PDE3B: variants seen among roughly 807,000 people sequenced by gnomAD.
The protein encoded by PDE3B is cGMP-inhibited 3',5'-cyclic phosphodiesterase 3B.
A neutral mutation model predicts 116.8 loss-of-function variants in PDE3B; 66 were observed. The observed-to-expected ratio is 0.56, with a 90% CI of 0.46 to 0.69. PDE3B has a LOEUF of 0.69. Among genes scored for constraint, PDE3B ranks in the 30% least tolerant of loss-of-function variants. The probability of loss-of-function intolerance (pLI) is 0.00; values close to 1 mark genes in which losing one functional copy is unlikely to be tolerated. For synonymous variants in PDE3B, 595 were observed against 533.6 expected, an observed-to-expected ratio of 1.12 and a Z score of -1.59; for missense variants, 1,384 against 1,368.1, an observed-to-expected ratio of 1.01 and a Z score of -0.18.
chr11:14,693,545 T>C (rs1855112338), intron 1 of PDE3B, among the ~76,000 whole-genome samples: 1 of 152,134 alleles, frequency 6.6e-6, no homozygotes, highest in East Asian at 1.9e-4. Context: ...TTATGGTAAA[T>C]CTACTCTACT....
chr11:14,853,515 A>T (rs1847795075), intron 12 of PDE3B, among the ~76,000 whole-genome samples: 1 of 152,222 alleles, frequency 6.6e-6, no homozygotes, highest in Non-Finnish European at 1.5e-5. Context: ...CCTGTGAGAT[A>T]AGGACCCTTG....
chr11:14,688,547 A>G (rs1470886964), intron 1 of PDE3B, among the ~76,000 whole-genome samples: 1 of 152,110 alleles, frequency 6.6e-6, no homozygotes, highest in African/African-American at 2.4e-5. Context: ...TCTATGTGTA[A>G]ACTTTAAGAT....
At chr11:14,855,042 A>G (rs1454289241) in intron 12 of PDE3B, among the ~76,000 whole-genome samples, 1 of 152,210 alleles carries the variant, frequency 6.6e-6, no homozygotes, top group African/African-American at 2.4e-5. Context: ...TCAGAAAACA[A>G]GTTAGGCTCT....
At chr11:14,759,843 G>A (rs912052977) in intron 1 of PDE3B, among the ~76,000 whole-genome samples, 10 of 152,126 alleles carry the variant, frequency 6.6e-5, no homozygotes, top group Admixed American at 5.2e-4. Context: ...CACCGTGCCC[G>A]GCTACAGATA....
intron 12 of PDE3B, among the ~76,000 whole-genome samples, chr11:14,848,089 A>G (rs1346328181): frequency 3.4e-5 from 5 of 147,976 alleles, no homozygotes; most frequent in Non-Finnish European, 7.5e-5. Flanking sequence ...AAAATCCTCA[A>G]TAAAATACTG....
chr11:14,803,516 A>C (rs184002145), intron 4 of PDE3B, among the ~76,000 whole-genome samples: 1 of 152,380 alleles, frequency 6.6e-6, no homozygotes, highest in East Asian at 1.9e-4. Context: ...TTAGTGAATC[A>C]GAAACCTTGG....
intron 4 of PDE3B, among the ~76,000 whole-genome samples, chr11:14,800,434 C>T (rs924900679): frequency 2.0e-5 from 3 of 152,120 alleles, no homozygotes; most frequent in Admixed American, 1.3e-4. Flanking sequence ...CACTGCATTC[C>T]AGCCTGGGTG....
Position 14,645,773 on chromosome 11 carries a change from G to GTT in PDE3B, c.978+729_978+730dup, listed in dbSNP as rs538476712. ...TTTCACCATAGGTTTACATATTTTTGTTTTTTTTTTAAAAGGGATTGAAAT... is the reference window on the plus strand; with the variant it reads ...TTTCACCATAGGTTTACATATTTTTGTTTTTTTTTTTTAAAAGGGATTGAAAT... On this transcript the variant is annotated intron_variant, in intron 1 of 15. Transcript: ENST00000282096. Among the ~76,000 whole-genome samples the GTT allele has an allele frequency of 2.1e-5, 3 of 145,568 alleles. No individual in the cohort carries two copies. In the East Asian group the frequency reaches 6.0e-4, roughly 29 times the overall value.
At chr11:14,864,683 T>G (rs1405919382) in intron 14 of PDE3B, among the ~76,000 whole-genome samples, 1 of 152,054 alleles carries the variant, frequency 6.6e-6, no homozygotes, top group East Asian at 1.9e-4. Flanking sequence ...ACTGAACAAC[T>G]TGCTCCTGAA....
At chr11:14,674,278 G>A (rs1290230183) in intron 1 of PDE3B, 9 of 1,118,170 alleles carry the variant, frequency 8.0e-6, no homozygotes, top group South Asian at 1.2e-5. Context: ...CTTTCCTGGG[G>A]CAGCCCCTAT....
intron 1 of PDE3B, among the ~76,000 whole-genome samples, chr11:14,751,950 A>G (rs923107783): frequency 6.6e-6 from 1 of 152,166 alleles, no homozygotes; most frequent in Non-Finnish European, 1.5e-5. Flanking sequence ...GAAAGTGGAA[A>G]GATGGTGAAT....
chr11:14,787,574 T>G (rs1858249490), intron 3 of PDE3B, among the ~76,000 whole-genome samples: 1 of 151,972 alleles, frequency 6.6e-6, no homozygotes. Context: ...TGTTGAAAAG[T>G]TAAGCAAACC....
At chr11:14,844,736 A>G (rs532200002) in intron 12 of PDE3B, among the ~76,000 whole-genome samples, 2 of 152,364 alleles carry the variant, frequency 1.3e-5, no homozygotes, top group South Asian at 4.1e-4. Flanking sequence ...GCTGATTGCT[A>G]GCACAGCAGT....
intron 12 of PDE3B, among the ~76,000 whole-genome samples, chr11:14,856,241 G>GT (rs1847848587): frequency 6.6e-6 from 1 of 152,182 alleles, no homozygotes; most frequent in Non-Finnish European, 1.5e-5. Context: ...CACTGTGACT[G>GT]TAAGTTTCCT....
At chr11:14,785,103 G>C (rs11023337) in intron 2 of PDE3B, among the ~76,000 whole-genome samples, 1 of 152,050 alleles carries the variant, frequency 6.6e-6, no homozygotes, top group African/African-American at 2.4e-5. Flanking sequence ...TGGAAAAATA[G>C]GTGCTGTTAT....
At chr11:14,885,786 TG>T in the PDE3B span, 1 of 1,612,634 alleles carries the variant, frequency 6.2e-7, no homozygotes. Flanking sequence ...CTCCCATTTT[TG>T]TCATCTTCAT....
chr11:14,824,489 G>A (rs1859625213), intron 7 of PDE3B, among the ~76,000 whole-genome samples: 1 of 152,136 alleles, frequency 6.6e-6, no homozygotes, highest in Non-Finnish European at 1.5e-5. Context: ...CAAGAATTTT[G>A]TAATGCAATT....
At chr11:14,832,252 A>C (rs957882661) in intron 9 of PDE3B, among the ~76,000 whole-genome samples, 1 of 152,244 alleles carries the variant, frequency 6.6e-6, no homozygotes, top group African/African-American at 2.4e-5. Flanking sequence ...TAACTGCCCC[A>C]AAATATTACT....
chr11:14,713,375 A>G (rs539802539), intron 1 of PDE3B, among the ~76,000 whole-genome samples: 1 of 152,136 alleles, frequency 6.6e-6, no homozygotes, highest in South Asian at 2.1e-4. Flanking sequence ...GTGTTTTTGG[A>G]TGAGATAGAT....
Sources: allele counts gnomAD v4.1 joint callset (sites outside exome capture counted in the v4.1 genomes callset), GRCh38; gene constraint gnomAD v4.1.1; transcripts MANE v1.5; gene names NCBI Gene and HGNC (gene_info 2026-07-23, HGNC 2026-07-21).